UNC79: variants seen among roughly 807,000 people sequenced by gnomAD.
UNC79 encodes the protein unc-79 subunit of NALCN channel complex, also known as protein unc-79 homolog.
UNC79 carries 37 observed loss-of-function variants against 283.1 expected under a neutral mutation model. The ratio of observed to expected loss-of-function variants is 0.13; its 90% CI spans 0.10 to 0.17. The LOEUF is 0.17. UNC79 is among the 10% of genes least tolerant of loss of function. UNC79 has a pLI of 1.00. For synonymous variants in UNC79, 1,107 were observed against 1,200.2 expected (o/e 0.92, Z 1.61); for missense variants, 2,272 against 3,211.1 (o/e 0.71, Z 7.07).
intron 22 of UNC79, among the ~76,000 whole-genome samples, chr14:93,593,299 C>T (rs1199848548): frequency 6.6e-6 from 1 of 152,078 alleles, no homozygotes; most frequent in East Asian, 1.9e-4. Context: ...GCTGGGCAGG[C>T]CAAACCAACC....
At position 93,539,678 on chromosome 14, in the gene UNC79, T is replaced by G. The variant is rs557310184; in HGVS notation, c.1353-982T>G. On this transcript the variant is annotated intron_variant, in intron 12 of 48. Coordinates refer to ENST00000555664, the Ensembl canonical transcript of UNC79. The stretch of plus-strand genomic sequence containing the variant: ...ATATTATGGAAAGTTTGAAAAGAAA[T>G]AAAAACACTCAGCCATACTGATGAT... 1.7e-3 allele frequency among the ~76,000 whole-genome samples: 257 copies of G among 152,202 alleles called. 1 individual carries two copies. Among genetic ancestry groups the G allele is most frequent in the Middle Eastern group, 3.4e-3 (1 of 294 alleles).
chr14:93,431,191 G>A (rs1454834102), intron 1 of UNC79, 140 bp downstream of exon 1: 1 of 412,346 alleles, frequency 2.4e-6, no homozygotes, highest in East Asian at 3.9e-5. Context: ...GGGGGGTGGC[G>A]GAGAGAGAAG....
At chr14:93,613,321 T>A (rs1233144402) in intron 27 of UNC79, among the ~76,000 whole-genome samples, 3 of 151,772 alleles carry the variant, frequency 2.0e-5, no homozygotes, top group Admixed American at 6.6e-5. Context: ...TGTGTGTGTG[T>A]GTGAGAGAGA....
At chr14:93,452,824 G>A (rs1313862084) in intron 1 of UNC79, among the ~76,000 whole-genome samples, 1 of 152,186 alleles carries the variant, frequency 6.6e-6, no homozygotes, top group Non-Finnish European at 1.5e-5. Flanking sequence ...TTAGAACAGT[G>A]CCTGGCACAT....
chr14:93,652,182 A>G (rs776746978), intron 35 of UNC79, among the ~76,000 whole-genome samples: 1 of 152,202 alleles, frequency 6.6e-6, no homozygotes, highest in Non-Finnish European at 1.5e-5. Context: ...AATATTTACT[A>G]TTAATCGCAG....
chr14:93,381,485 A>G (rs180709075), intron 1 of UNC79, among the ~76,000 whole-genome samples: 1 of 152,300 alleles, frequency 6.6e-6, no homozygotes, highest in Admixed American at 6.5e-5. Flanking sequence ...AGGGCTTTTG[A>G]TGAAGAGTGA....
At chr14:93,542,793 G>A in intron 14 of UNC79, 97 bp downstream of exon 14, 4 of 1,122,394 alleles carry the variant, frequency 3.6e-6, no homozygotes, top group Non-Finnish European at 5.3e-6. Flanking sequence ...CTGCAGAGGA[G>A]GAACATCTCT....
chr14:93,552,938 A>C (rs1160539413), intron 14 of UNC79, among the ~76,000 whole-genome samples: 1 of 152,200 alleles, frequency 6.6e-6, no homozygotes, highest in Non-Finnish European at 1.5e-5. Context: ...TAGACAGGAT[A>C]TGAGGGCAGT....
At position 93,682,714 on chromosome 14, in the gene UNC79, A is replaced by G. The variant is rs779688926; in HGVS notation, c.6819+20A>G. The G allele has an allele frequency of 1.5e-5, 24 of 1,607,502 alleles. No individual in the cohort carries two copies. Among genetic ancestry groups the G allele is most frequent in the African/African-American group, 2.7e-5 (2 of 74,760 alleles). ...CCTGGAGTAAGTCCTGACCAAATTCATTGTCTACATACTTACATTTCATAG... is the reference window on the plus strand; with the variant it reads ...CCTGGAGTAAGTCCTGACCAAATTCGTTGTCTACATACTTACATTTCATAG... On this transcript the variant is annotated intron_variant, in intron 42 of 48. Transcript: ENST00000555664.
chr14:93,422,916 A>G (rs2055630070), intron 1 of UNC79, among the ~76,000 whole-genome samples: 2 of 151,824 alleles, frequency 1.3e-5, no homozygotes. Flanking sequence ...ACAAAAAATT[A>G]GCCAGGTGTG....
intron 1 of UNC79, among the ~76,000 whole-genome samples, chr14:93,377,115 T>C: frequency 9.9e-6 from 1 of 101,312 alleles, no homozygotes; most frequent in Non-Finnish European, 2.1e-5. Context: ...TTTTTTTTTT[T>C]TGAGATGGAG....
At chr14:93,643,301 G>C (rs1453754487) in intron 33 of UNC79, among the ~76,000 whole-genome samples, 1 of 152,182 alleles carries the variant, frequency 6.6e-6, no homozygotes, top group African/African-American at 2.4e-5. Flanking sequence ...TCACTCACAT[G>C]CAGGCCAGAT....
intron 32 of UNC79, among the ~76,000 whole-genome samples, chr14:93,638,317 G>A (rs1008118351): frequency 1.3e-5 from 2 of 152,296 alleles, no homozygotes; most frequent in East Asian, 1.9e-4. Flanking sequence ...TACTGGATGA[G>A]GTAAGATTCT....
intron 48 of UNC79, 132 bp from the exon 52 acceptor site, chr14:93,706,572 A>C (rs2075894641): frequency 4.2e-6 from 4 of 953,088 alleles, no homozygotes; most frequent in Non-Finnish European, 6.3e-6. Flanking sequence ...CAGAGTAGAG[A>C]GTTTGCCTTC....
rs77483523 is a variant in UNC79, at chr14:93,361,602, C to A, written c.-351+28079C>A. On this transcript the variant is annotated intron_variant, in intron 1 of 49. Transcript: ENST00000256339. The stretch of plus-strand genomic sequence containing the variant: ...TCAAATCTAGGAGCCTTTGGTCAGA[C>A]TATGAGGTTTTCTAGATATAGGATC... Among the ~76,000 whole-genome samples the A allele has an allele frequency of 8.4e-4, 127 of 151,828 alleles. No individual in the cohort carries two copies. In the East Asian group the frequency reaches 0.024, roughly 28 times the overall value.
intron 30 of UNC79, among the ~76,000 whole-genome samples, chr14:93,629,235 C>T (rs2067828427): frequency 6.6e-6 from 1 of 152,032 alleles, no homozygotes; most frequent in African/African-American, 2.4e-5. Flanking sequence ...ATAGGCATAC[C>T]CAAACTCTAA....
intron 31 of UNC79, among the ~76,000 whole-genome samples, chr14:93,634,200 C>T (rs2068298991): frequency 6.6e-6 from 1 of 152,090 alleles, no homozygotes; most frequent in Non-Finnish European, 1.5e-5. Context: ...TGTTATTTGT[C>T]TTAAATCATT....
At chr14:93,587,110 C>T (rs2064278580) in intron 22 of UNC79, among the ~76,000 whole-genome samples, 1 of 151,926 alleles carries the variant, frequency 6.6e-6, no homozygotes, top group Admixed American at 6.6e-5. Flanking sequence ...TTTCCATTTG[C>T]CTGATACTGA....
intron 14 of UNC79, among the ~76,000 whole-genome samples, chr14:93,560,344 TAC>T (rs1447410074): frequency 1.3e-5 from 2 of 152,116 alleles, no homozygotes; most frequent in African/African-American, 2.4e-5. Context: ...TTTAAAAATA[TAC>T]AGAGTCCTCC....
Sources: allele counts gnomAD v4.1 joint callset (sites outside exome capture counted in the v4.1 genomes callset), GRCh38; gene constraint gnomAD v4.1.1; transcripts MANE v1.5; gene names NCBI Gene and HGNC (gene_info 2026-07-23, HGNC 2026-07-21).